Variants in CNBD1 observed in about 807,000 individuals in gnomAD.
The protein encoded by CNBD1 is cyclic nucleotide binding domain containing 1, also known as cyclic nucleotide-binding domain-containing protein 1.
In CNBD1, 71 loss-of-function variants were observed where a neutral mutation model predicts 54.4. The ratio of observed to expected loss-of-function variants is 1.30; its 90% CI spans 1.08 to 1.59. The LOEUF is 1.59. Ranked by LOEUF, CNBD1 falls within the 40% of genes most tolerant of loss-of-function variation. The pLI is 0.00. For missense variants in CNBD1, 659 were observed against 518.0 expected, an observed-to-expected ratio of 1.27 and a Z score of -2.64; for synonymous variants, 182 against 170.7, an observed-to-expected ratio of 1.07 and a Z score of -0.51.
At chr8:87,031,855 C>A (rs1809800485) in intron 4 of CNBD1, among the ~76,000 whole-genome samples, 1 of 152,142 alleles carries the variant, frequency 6.6e-6, no homozygotes, top group Non-Finnish European at 1.5e-5. Context: ...ATTCTCTAGC[C>A]TCAGCCTCCT....
At chr8:87,170,331 A>G (rs116836474) in intron 4 of CNBD1, among the ~76,000 whole-genome samples, 2,571 of 152,174 alleles carry the variant, frequency 0.017, 87 homozygotes, top group African/African-American at 0.06. Flanking sequence ...AAGATTATAT[A>G]TATTCCAAAT....
chr8:87,069,472 A>T (rs1406982742), intron 4 of CNBD1, among the ~76,000 whole-genome samples: 3 of 152,128 alleles, frequency 2.0e-5, no homozygotes, highest in Non-Finnish European at 2.9e-5. Context: ...AGTGTTTAGT[A>T]CAGTAACATG....
chr8:87,356,171 T>C (rs982712212), intron 10 of CNBD1, among the ~76,000 whole-genome samples: 23 of 152,142 alleles, frequency 1.5e-4, no homozygotes, highest in Admixed American at 1.2e-3. Context: ...CAGATATTCA[T>C]TAATGACAAC....
chr8:87,098,766 A>T (rs531967544), intron 4 of CNBD1, among the ~76,000 whole-genome samples: 2 of 151,310 alleles, frequency 1.3e-5, no homozygotes, highest in African/African-American at 4.9e-5. Context: ...GGCCAGGCGC[A>T]GTGGCTCATG....
chr8:87,158,643 G>A (rs1812793276), intron 4 of CNBD1, among the ~76,000 whole-genome samples: 1 of 152,070 alleles, frequency 6.6e-6, no homozygotes, highest in South Asian at 2.1e-4. Flanking sequence ...TGAGCCTGGG[G>A]GAGATGGGAG....
At chr8:87,392,603 G>A (rs1358166056) in intron 2 of CNBD1, among the ~76,000 whole-genome samples, 2 of 151,942 alleles carry the variant, frequency 1.3e-5, no homozygotes, top group East Asian at 1.9e-4. Context: ...CACAGAATAG[G>A]CAAATCTGTA....
At chr8:87,349,449 C>A (rs1810238558) in intron 8 of CNBD1, among the ~76,000 whole-genome samples, 1 of 152,158 alleles carries the variant, frequency 6.6e-6, no homozygotes, top group South Asian at 2.1e-4. Context: ...GAGCTCAGCT[C>A]ACTGCAACCT....
intron 6 of CNBD1, among the ~76,000 whole-genome samples, chr8:87,249,274 C>T (rs2130837435): frequency 6.6e-6 from 1 of 152,214 alleles, no homozygotes; most frequent in South Asian, 2.1e-4. Flanking sequence ...AGTGACACTA[C>T]TGATCTGACA....
At chr8:87,332,252 T>A (rs1586021549) in intron 8 of CNBD1, among the ~76,000 whole-genome samples, 1 of 151,282 alleles carries the variant, frequency 6.6e-6, no homozygotes. Flanking sequence ...GGAGGCTGAG[T>A]CAGGAGAATC....
chr8:87,256,000 TATATATATATA>T (rs1301717547), intron 6 of CNBD1, among the ~76,000 whole-genome samples: 62 of 16,698 alleles, frequency 3.7e-3, no homozygotes, highest in African/African-American at 0.017. Context: ...TATATATATA[TATATATATATA>T]TATATTTTTT....
At chr8:87,345,331 T>G (rs1282885480) in intron 8 of CNBD1, among the ~76,000 whole-genome samples, 2 of 152,202 alleles carry the variant, frequency 1.3e-5, no homozygotes, top group African/African-American at 4.8e-5. Context: ...CTTATGTTAT[T>G]TGAAACATTT....
chr8:87,266,869 A>T lies in CNBD1; in HGVS notation c.772-17809A>T, dbSNP rs182880624. ...AAAGATAAAACTGCATGCCTACTTT[A>T]CACCATTCATAAAACTTAATTTAGG... is the stretch of plus-strand genomic sequence containing the variant. On this transcript the variant is annotated intron_variant, in intron 6 of 10. Coordinates refer to ENST00000518476, the MANE Select transcript of CNBD1 (RefSeq NM_173538.3). 2.0e-5 allele frequency among the ~76,000 whole-genome samples: 3 copies of T among 152,258 alleles called. No individual in the cohort carries two copies. The East Asian group carries it at 5.8e-4, about 29-fold the overall frequency.
At chr8:87,357,684 G>A (rs1377524317) in intron 10 of CNBD1, among the ~76,000 whole-genome samples, 2 of 152,126 alleles carry the variant, frequency 1.3e-5, no homozygotes, top group East Asian at 1.9e-4. Context: ...ATGGAACTTT[G>A]GACTTTTGAG....
rs1732664882 is a variant in CNBD1, at chr8:87,353,675, G to C, written c.1192G>C (p.Glu398Gln). Reference sequence around the variant, plus strand: ...ACTTGTTTATATGGGGAAACTTAAGGAGAAGGAGTCCTTTGGTGAGATTAG... The same window carrying C: ...ACTTGTTTATATGGGGAAACTTAAGCAGAAGGAGTCCTTTGGTGAGATTAG... The part of the protein sequence containing the change: ...QKLVYMGKLK[E>Q]KESFGEISVL... Residue 398 changes from glutamate to glutamine, a missense_variant, in exon 10 of 11, where the codon GAG (glutamate) becomes CAG (glutamine). Physicochemically the swap from Glu to Gln is conservative, Grantham distance 29. Transcript: ENST00000518476. 1 of 1,602,632 alleles carries C rather than the reference G, an allele frequency of 6.2e-7. No individual in the cohort carries two copies. Among genetic ancestry groups the C allele is most frequent in the East Asian group, 2.2e-5 (1 of 44,640 alleles).
intron 5 of CNBD1, among the ~76,000 whole-genome samples, chr8:87,226,242 C>T (rs1371105020): frequency 1.3e-5 from 2 of 151,552 alleles, no homozygotes; most frequent in African/African-American, 2.4e-5. Flanking sequence ...CTATTTCCTT[C>T]AGTTCTGCTC....
At chr8:87,308,652 A>G (rs934571022) in intron 8 of CNBD1, among the ~76,000 whole-genome samples, 8 of 152,268 alleles carry the variant, frequency 5.3e-5, no homozygotes, top group Non-Finnish European at 1.0e-4. Context: ...GTTGTTAACT[A>G]TAGTCACCTT....
chr8:87,091,995 GT>G (rs1811213790), intron 4 of CNBD1, among the ~76,000 whole-genome samples: 2 of 152,006 alleles, frequency 1.3e-5, no homozygotes, highest in Admixed American at 6.6e-5. Flanking sequence ...GTTATTATGC[GT>G]TATATTAATT....
chr8:87,365,908 A>T (rs771357382), intron 10 of CNBD1, among the ~76,000 whole-genome samples: 7 of 152,042 alleles, frequency 4.6e-5, no homozygotes, highest in Non-Finnish European at 1.0e-4. Context: ...CAAGTTGGAG[A>T]AGTTCTTTTC....
At chr8:87,299,146 C>G (rs1452973339) in intron 8 of CNBD1, among the ~76,000 whole-genome samples, 1 of 152,106 alleles carries the variant, frequency 6.6e-6, no homozygotes, top group Non-Finnish European at 1.5e-5. Flanking sequence ...TATCACGACA[C>G]CAGTCAGTAC....
Sources: allele counts gnomAD v4.1 joint callset (sites outside exome capture counted in the v4.1 genomes callset), GRCh38; gene constraint gnomAD v4.1.1; transcripts MANE v1.5; gene names NCBI Gene and HGNC (gene_info 2026-07-23, HGNC 2026-07-21).